The following PPP1R14D variants were observed in gnomAD, a reference collection of about 807,000 sequenced individuals.
PPP1R14D encodes protein phosphatase 1 regulatory inhibitor subunit 14D, also known as protein phosphatase 1 regulatory subunit 14D.
PPP1R14D carries 14 observed loss-of-function variants against 17.1 expected under a neutral mutation model. That is an observed-to-expected ratio of 0.82 (90% confidence interval 0.54 to 1.28). The LOEUF (loss-of-function observed/expected upper bound fraction) is 1.28. PPP1R14D is among the 50% of genes most tolerant of loss of function. The probability of loss-of-function intolerance (pLI) is 0.00; values close to 1 mark genes in which losing one functional copy is unlikely to be tolerated. For synonymous variants in PPP1R14D, 67 were observed against 66.1 expected, an observed-to-expected ratio of 1.01 and a Z score of -0.06; for missense variants, 173 against 179.2, an observed-to-expected ratio of 0.97 and a Z score of 0.20.
intron 3 of PPP1R14D, 78 bp from the exon 4 acceptor site, chr15:40,815,839 C>A: frequency 1.4e-6 from 2 of 1,477,010 alleles, no homozygotes; most frequent in Non-Finnish European, 1.9e-6. Flanking sequence ...TCTTCCCCTG[C>A]CCCTGACTCC....
At chr15:40,817,826 T>C (rs1890699350) in intron 1 of PPP1R14D, among the ~76,000 whole-genome samples, 2 of 151,784 alleles carry the variant, frequency 1.3e-5, no homozygotes, top group Admixed American at 1.3e-4. Context: ...TTGTCCAGGC[T>C]GGTCTCAAAC....
chr15:40,828,654 C>T lies in PPP1R14D; in HGVS notation c.-13G>A, dbSNP rs775948331. 6.8e-5 allele frequency: 109 copies of T among 1,596,766 alleles called. No homozygotes were observed. Among genetic ancestry groups the T allele is most frequent in the Non-Finnish European group, 8.9e-5 (104 of 1,170,912 alleles). ...TTGAAGACAGCATGGAAGTATTGGT[C>T]TGGGCAAGGAGCTGGGAAAAACCGC... On this transcript the variant is annotated 5_prime_UTR_variant, in exon 1 of 4. Transcript: ENST00000299174.
intron 1 of PPP1R14D, among the ~76,000 whole-genome samples, chr15:40,820,886 G>T (rs955063952): frequency 2.0e-5 from 3 of 147,614 alleles, no homozygotes; most frequent in Non-Finnish European, 3.0e-5. Flanking sequence ...TATAAATAAA[G>T]AAAGAAATAA....
intron 1 of PPP1R14D, among the ~76,000 whole-genome samples, chr15:40,821,292 C>A (rs1340366827): frequency 1.3e-5 from 2 of 151,912 alleles, no homozygotes; most frequent in Admixed American, 1.3e-4. Context: ...TGAGATCATA[C>A]CATTTGCACT....
chr15:40,815,945 A>C lies in PPP1R14D; in HGVS notation c.372+17T>G. Reference sequence around the variant, plus strand: ...GGGCCTCCTCTTACCCCAGACCAGCAGAAGAACATCCCTTACCTCTGTGGG... The same window carrying C: ...GGGCCTCCTCTTACCCCAGACCAGCCGAAGAACATCCCTTACCTCTGTGGG... On this transcript the variant is annotated intron_variant, in intron 3 of 3. Transcript: ENST00000299174. The C allele has an allele frequency of 6.2e-7, 1 of 1,613,920 alleles. No homozygotes were observed. Among genetic ancestry groups the C allele is most frequent in the Non-Finnish European group, 8.5e-7 (1 of 1,179,892 alleles).
At chr15:40,817,311 C>A in intron 1 of PPP1R14D, 1 of 201,472 alleles carries the variant, frequency 5.0e-6, no homozygotes. Context: ...GAATGGATCA[C>A]ACCACTGCAC....
At chr15:40,820,422 G>T (rs1890755758) in intron 1 of PPP1R14D, among the ~76,000 whole-genome samples, 1 of 151,986 alleles carries the variant, frequency 6.6e-6, no homozygotes, top group South Asian at 2.1e-4. Flanking sequence ...GCCTCCCAAA[G>T]TGTTGGGATT....
intron 1 of PPP1R14D, among the ~76,000 whole-genome samples, chr15:40,825,459 G>A (rs1194381895): frequency 1.3e-5 from 2 of 152,106 alleles, no homozygotes; most frequent in African/African-American, 2.4e-5. Flanking sequence ...CCAAGTCTGC[G>A]TCCCCAGACT....
chr15:40,824,589 G>A (rs1199604822), intron 1 of PPP1R14D, among the ~76,000 whole-genome samples: 3 of 151,836 alleles, frequency 2.0e-5, no homozygotes, highest in South Asian at 2.1e-4. Flanking sequence ...TGCTAATCTC[G>A]AACTCTTGGA....
chr15:40,818,937 A>G (rs1207780833), intron 1 of PPP1R14D, among the ~76,000 whole-genome samples: 1 of 152,098 alleles, frequency 6.6e-6, no homozygotes, highest in Admixed American at 6.6e-5. Flanking sequence ...ATAGTGGGGG[A>G]AGCTATACAT....
intron 1 of PPP1R14D, among the ~76,000 whole-genome samples, chr15:40,816,546 C>G (rs1474366707): frequency 6.6e-6 from 1 of 151,698 alleles, no homozygotes. Context: ...AATCCTGTCT[C>G]TACTAAAAAT....
chr15:40,815,869 C>T, intron 3 of PPP1R14D, 93 bp downstream of exon 3: 1 of 1,555,560 alleles, frequency 6.4e-7, no homozygotes, highest in Non-Finnish European at 8.8e-7. Context: ...GGAGAAGGAC[C>T]CACAGCCAAG....
chr15:40,824,533 G>C (rs1031342883), intron 1 of PPP1R14D, among the ~76,000 whole-genome samples: 1 of 151,788 alleles, frequency 6.6e-6, no homozygotes, highest in African/African-American at 2.4e-5. Flanking sequence ...ACCACACCCT[G>C]CTAATTTTTT....
intron 1 of PPP1R14D, among the ~76,000 whole-genome samples, chr15:40,827,144 C>T (rs558542729): frequency 4.6e-4 from 70 of 152,328 alleles, no homozygotes; most frequent in African/African-American, 1.4e-3. Context: ...TCTGAAATAA[C>T]GAAAATATTC....
intron 1 of PPP1R14D, among the ~76,000 whole-genome samples, chr15:40,822,960 G>A (rs1008076875): frequency 1.5e-5 from 2 of 130,738 alleles, no homozygotes; most frequent in Admixed American, 8.3e-5. Context: ...CACCACATCC[G>A]GCTAATTTTT....
intron 1 of PPP1R14D, chr15:40,817,352 C>CAA (rs578000701): frequency 1.2e-4 from 7 of 60,868 alleles, no homozygotes; most frequent in South Asian, 5.9e-4. Context: ...AAGACTCTGT[C>CAA]AAAAAAAAAA....
rs1021379480 is a variant in PPP1R14D at position 40,820,166 on chromosome 15, CT to C, written c.256-3914del. On this transcript the variant is annotated intron_variant, in intron 1 of 3. Transcript: ENST00000299174. ...CAGGCATGAGCCACTGTGCCCAGCC[CT>C]TTTTTTTTGCTGACAGGGTCTCGCT... Among the ~76,000 whole-genome samples the C allele has an allele frequency of 5.0e-4, 68 of 136,458 alleles. 1 individual carries two copies. The highest frequency in any genetic ancestry group is 4.5e-4 in the Admixed American group (6 of 13,242). The allele number at this position is 136,458 out of a possible 152,430, so 89.5% of individuals were successfully genotyped here. A position where few individuals can be genotyped will look rare whatever the true frequency, so the allele number is the denominator to read the frequency against.
intron 1 of PPP1R14D, among the ~76,000 whole-genome samples, chr15:40,825,539 A>G (rs1379374647): frequency 6.6e-6 from 1 of 152,130 alleles, no homozygotes; most frequent in Non-Finnish European, 1.5e-5. Context: ...CAACAAACGA[A>G]GGTTGGTCCC....
intron 1 of PPP1R14D, chr15:40,817,130 G>A (rs1406076078): frequency 1.2e-5 from 2 of 163,534 alleles, no homozygotes; most frequent in Non-Finnish European, 1.4e-5. Context: ...GCCAAGGCGG[G>A]TGTATCATTT....
Sources: allele counts gnomAD v4.1 joint callset (sites outside exome capture counted in the v4.1 genomes callset), GRCh38; gene constraint gnomAD v4.1.1; transcripts MANE v1.5; gene names NCBI Gene and HGNC (gene_info 2026-07-23, HGNC 2026-07-21).